RAB44: variants seen among roughly 807,000 people sequenced by gnomAD.
RAB44 encodes the protein ras-related protein Rab-44.
Under a neutral mutation model 93.3 loss-of-function variants are expected in RAB44, and 67 were observed. The observed-to-expected ratio is 0.72, with a 90% CI of 0.59 to 0.88. The LOEUF (loss-of-function observed/expected upper bound fraction) is 0.88. RAB44 is among the 40% of genes least tolerant of loss of function. The probability of loss-of-function intolerance (pLI) is 0.00; values close to 1 mark genes in which losing one functional copy is unlikely to be tolerated. For synonymous variants in RAB44, 427 were observed against 520.3 expected (o/e 0.82, Z 2.44); for missense variants, 1,064 against 1,261.7 (o/e 0.84, Z 2.37).
At chr6:36,730,789 T>G in intron 13 of RAB44, 40 bp downstream of exon 13, 3 of 705,834 alleles carry the variant, frequency 4.3e-6, no homozygotes, top group East Asian at 1.5e-4. Context: ...ACCCCCCCCC[T>G]TGCAGAATCC....
chr6:36,720,557 G>A lies in RAB44; in HGVS notation c.1016+7G>A. 8.1e-7 allele frequency: 1 copy of A among 1,234,202 alleles called. No individual in the cohort carries two copies. Among genetic ancestry groups the A allele is most frequent in the Non-Finnish European group, 1.0e-6 (1 of 988,204 alleles). 76.5% of individuals were successfully genotyped at this position (1,234,202 alleles called of 1,614,324 possible). On this transcript the variant is annotated splice_region_variant and intron_variant, in intron 8 of 13. Transcript: ENST00000612677. Reference sequence around the variant, plus strand: ...AGGTGGAGGAGAAACTGAGGCAAGTGGCTGCTATCCCTGGACTGGGGTGGA... The same window carrying A: ...AGGTGGAGGAGAAACTGAGGCAAGTAGCTGCTATCCCTGGACTGGGGTGGA...
chr6:36,722,768 A>G lies in RAB44; in HGVS notation c.2599+35A>G, dbSNP rs1048097862. On this transcript the variant is annotated intron_variant, in intron 9 of 13. Transcript: ENST00000612677. The stretch of plus-strand genomic sequence containing the variant: ...TTGGGGAGGGCGGCAGGGAGCAAGG[A>G]GAGACGCAGGGGCCAGGGCCAACGA... 3 of 1,549,156 alleles carry G rather than the reference A, an allele frequency of 1.9e-6. No homozygotes were observed. The African/African-American group carries it at 4.1e-5, about 21-fold the overall frequency.
chr6:36,712,510 G>GC (rs1174396449), intron 2 of RAB44, among the ~76,000 whole-genome samples: 1 of 151,984 alleles, frequency 6.6e-6, no homozygotes. Flanking sequence ...GATTACAGGC[G>GC]CCCACCACAA....
intron 2 of RAB44, among the ~76,000 whole-genome samples, chr6:36,707,306 G>A (rs1762673107): frequency 6.6e-6 from 1 of 151,412 alleles, no homozygotes; most frequent in African/African-American, 2.4e-5. Context: ...GCAGTAAGCC[G>A]AGATCAAGCC....
At chr6:36,708,870 T>C (rs547628581) in intron 2 of RAB44, among the ~76,000 whole-genome samples, 13 of 152,092 alleles carry the variant, frequency 8.5e-5, no homozygotes, top group Non-Finnish European at 1.6e-4. Context: ...AGTTTTGCTT[T>C]AATAGAATAT....
At chr6:36,718,697 A>G (rs1215804798) in intron 7 of RAB44, 109 bp downstream of exon 7, 2 of 490,844 alleles carry the variant, frequency 4.1e-6, no homozygotes. Flanking sequence ...CTTAGAAGGT[A>G]CTGTGATGAT....
chr6:36,728,230 C>T (rs922170116), intron 11 of RAB44, among the ~76,000 whole-genome samples: 3 of 152,184 alleles, frequency 2.0e-5, no homozygotes, highest in Non-Finnish European at 4.4e-5. Flanking sequence ...CCCACCCACC[C>T]GAACTCTGTG....
intron 2 of RAB44, among the ~76,000 whole-genome samples, chr6:36,707,585 A>T (rs1762680622): frequency 6.6e-6 from 1 of 152,212 alleles, no homozygotes; most frequent in South Asian, 2.1e-4. Context: ...TTTGGACTCA[A>T]AAGAGTTGTA....
At chr6:36,714,119 G>T (rs1369379413) in intron 3 of RAB44, among the ~76,000 whole-genome samples, 180 bp downstream of exon 3, 1 of 152,224 alleles carries the variant, frequency 6.6e-6, no homozygotes, top group Non-Finnish European at 1.5e-5. Flanking sequence ...CTCCAGGGAG[G>T]CCTCCGGGCT....
chr6:36,715,413 G>T, intron 3 of RAB44, 66 bp from the exon 4 acceptor site: 2 of 1,451,724 alleles, frequency 1.4e-6, no homozygotes, highest in South Asian at 2.5e-5. Flanking sequence ...GACCAGGGCT[G>T]GGTGGGAGGC....
In RAB44 at chr6:36,721,055, T is replaced by C. The variant is rs1763062123; in HGVS notation, c.1017-96T>C. 3 of 1,145,568 alleles carry C rather than the reference T, an allele frequency of 2.6e-6. No individual in the cohort carries two copies. The South Asian group carries it at 1.4e-4, about 52-fold the overall frequency. 71.0% of individuals were successfully genotyped at this position (1,145,568 alleles called of 1,614,324 possible). On this transcript the variant is annotated intron_variant, in intron 8 of 13. Coordinates refer to ENST00000612677, the MANE Select transcript of RAB44 (RefSeq NM_001257357.2). ...CAAGGACTGGGAGGAGACCTGGCCATGGGGAGAGCAAGGGATGGTGAGGGC... is the reference window on the plus strand; with the variant it reads ...CAAGGACTGGGAGGAGACCTGGCCACGGGGAGAGCAAGGGATGGTGAGGGC...
At chr6:36,713,514 C>T (rs1436271471) in intron 2 of RAB44, among the ~76,000 whole-genome samples, 1 of 152,170 alleles carries the variant, frequency 6.6e-6, no homozygotes, top group African/African-American at 2.4e-5. Flanking sequence ...TTTTTGGACA[C>T]TGATCACCAC....
intron 2 of RAB44, among the ~76,000 whole-genome samples, chr6:36,713,147 C>T (rs1353205633): frequency 1.3e-5 from 2 of 152,116 alleles, no homozygotes; most frequent in Non-Finnish European, 2.9e-5. Flanking sequence ...GACCTGTAGG[C>T]CATGATATAT....
intron 1 of RAB44, among the ~76,000 whole-genome samples, chr6:36,698,469 G>A (rs541510265): frequency 1.3e-5 from 2 of 152,196 alleles, no homozygotes; most frequent in East Asian, 1.9e-4. Flanking sequence ...TGTGGTGCCT[G>A]CTGCCTAACA....
intron 9 of RAB44, among the ~76,000 whole-genome samples, chr6:36,723,836 C>CAAAAAAAAAAAA (rs565860026): frequency 0.035 from 2,220 of 63,720 alleles, 119 homozygotes; most frequent in African/African-American, 0.041. Flanking sequence ...TTCCGTCTCC[C>CAAAAAAAAAAAA]AAAAAAAAAA....
chr6:36,713,184 C>A (rs1008020925), intron 2 of RAB44, among the ~76,000 whole-genome samples: 16 of 152,112 alleles, frequency 1.1e-4, no homozygotes, highest in African/African-American at 3.9e-4. Flanking sequence ...GGAGATTTAA[C>A]TCATTGACTT....
At chr6:36,713,057 A>G (rs1368266910) in intron 2 of RAB44, among the ~76,000 whole-genome samples, 1 of 152,226 alleles carries the variant, frequency 6.6e-6, no homozygotes, top group African/African-American at 2.4e-5. Flanking sequence ...AGGCTGCTTG[A>G]TTCTGCCAGA....
At chr6:36,718,325 G>A (rs1324382583) in intron 6 of RAB44, among the ~76,000 whole-genome samples, 168 bp from the exon 7 acceptor site, 1 of 152,208 alleles carries the variant, frequency 6.6e-6, no homozygotes, top group Non-Finnish European at 1.5e-5. Flanking sequence ...AAGTCTCCTT[G>A]TTGCCACAAT....
At chr6:36,718,911 ATT>A (rs34442767) in intron 7 of RAB44, among the ~76,000 whole-genome samples, 24,058 of 143,400 alleles carry the variant, frequency 0.17, 1,952 homozygotes, top group South Asian at 0.21. Context: ...ACCCTGCCCC[ATT>A]TTTTTTTTTT....
Sources: allele counts gnomAD v4.1 joint callset (sites outside exome capture counted in the v4.1 genomes callset), GRCh38; gene constraint gnomAD v4.1.1; transcripts MANE v1.5; gene names NCBI Gene and HGNC (gene_info 2026-07-23, HGNC 2026-07-21).